CACNA1I: variants seen among roughly 807,000 people sequenced by gnomAD.
CACNA1I encodes calcium voltage-gated channel subunit alpha1 I.
A neutral mutation model predicts 201.6 loss-of-function variants in CACNA1I; 74 were observed. The observed-to-expected ratio is 0.37, with a 90% CI of 0.30 to 0.45. CACNA1I has a LOEUF of 0.45. Among genes scored for constraint, CACNA1I ranks in the 20% least tolerant of loss-of-function variants. The pLI is 1.00. For synonymous variants in CACNA1I, 1,431 were observed against 1,345.2 expected (o/e 1.06, Z -1.40); for missense variants, 2,346 against 3,138.1 (o/e 0.75, Z 6.03).
chr22:39,686,329 GC>G lies in CACNA1I; in HGVS notation c.6600del (p.Leu2201TrpfsTer71). 2 of 1,308,536 alleles carry G rather than the reference GC, an allele frequency of 1.5e-6. No homozygotes were observed. Among genetic ancestry groups the G allele is most frequent in the Non-Finnish European group, 9.7e-7 (1 of 1,027,714 alleles). 81.1% of individuals were successfully genotyped at this position (1,308,536 alleles called of 1,614,324 possible). A position where few individuals can be genotyped will look rare whatever the true frequency, so the allele number is the denominator to read the frequency against. ...PGRAPLPMGLGPLAPPPQPLP... is the reference protein window; with the variant it reads ...PGRAPLPMGLXPLAPPPQPLP... ...CGGGCACCGCTGCCCATGGGCCTGG[GC>G]CCCTTGGCGCCCCCGCCGCAACCGC... On this transcript the variant is annotated frameshift_variant, in exon 37 of 37. Coordinates refer to ENST00000402142, the MANE Select transcript of CACNA1I (RefSeq NM_021096.4). LOFTEE classifies it high-confidence loss of function.
intron 3 of CACNA1I, among the ~76,000 whole-genome samples, chr22:39,602,994 A>T (rs1933112112): frequency 6.6e-6 from 1 of 152,084 alleles, no homozygotes; most frequent in Non-Finnish European, 1.5e-5. Context: ...TCTACAAAAA[A>T]TAAAAAATTA....
Position 39,576,793 on chromosome 22 carries a change from G to A in CACNA1I, c.236+5805G>A, listed in dbSNP as rs534730968. Among the ~76,000 whole-genome samples the A allele has an allele frequency of 1.7e-3, 258 of 152,230 alleles. 1 individual carries two copies. The highest frequency in any genetic ancestry group is 3.3e-3 in the Non-Finnish European group (221 of 67,992). ...TGTCCAGGGCACCCATTTCCCGGCC[G>A]CCCTCCTCGTGGGTGGGCCCCCGCC... is the stretch of plus-strand genomic sequence containing the variant. On this transcript the variant is annotated intron_variant, in intron 1 of 36. Transcript: ENST00000402142.
chr22:39,619,933 G>GTCCATCCA (rs778287495), intron 4 of CACNA1I, among the ~76,000 whole-genome samples: 2 of 150,936 alleles, frequency 1.3e-5, no homozygotes, highest in Admixed American at 1.3e-4. Flanking sequence ...CTATCCACCT[G>GTCCATCCA]TCCATCCATC....
chr22:39,659,499 C>A lies in CACNA1I; in HGVS notation c.2397C>A (p.Pro799=). The change falls in exon 13 of 37, where the codon CCC becomes CCA. Residue 799 remains proline (P), a synonymous_variant. Transcript: ENST00000402142. This position sits in a 1 kb window ranked among gnomAD's most constrained non-coding sequence, Gnocchi z 4.3. ...GCACGGACACTGGAGACACGGTGCC[C>A]GACAGGAAGAACTTCGACTCCCTGC... ...SLRTDTGDTV[P]DRKNFDSLLW... The A allele has an allele frequency of 6.3e-7, 1 of 1,591,656 alleles. No homozygotes were observed. The highest frequency in any genetic ancestry group is 2.3e-5 in the East Asian group (1 of 43,738).
chr22:39,641,133 G>T lies in CACNA1I; in HGVS notation c.1007G>T (p.Gly336Val). 1 of 1,614,014 alleles carries T rather than the reference G, an allele frequency of 6.2e-7. No homozygotes were observed. The highest frequency in any genetic ancestry group is 8.5e-7 in the Non-Finnish European group (1 of 1,179,872). The change falls in exon 6 of 37, where the codon GGT (glycine) becomes GTT (valine). Residue 336 changes from glycine to valine, a missense_variant. By Grantham distance (109) the Gly-to-Val change is moderately radical. Transcript: ENST00000402142. Reference protein sequence around the residue: ...CRTGSANPHKGAINFDNIGYA... With the variant: ...CRTGSANPHKVAINFDNIGYA... Reference sequence around the variant, plus strand: ...ACGGGCAGCGCCAACCCCCACAAGGGTGCCATCAACTTTGACAACATCGGT... The same window carrying T: ...ACGGGCAGCGCCAACCCCCACAAGGTTGCCATCAACTTTGACAACATCGGT...
Position 39,684,401 on chromosome 22 carries a change from A to G in CACNA1I, c.5930A>G (p.Glu1977Gly), listed in dbSNP as rs1444296002. ...PAVSASQKGP[E>G]KGTGTGTLPK... ...GTGTCTGCCAGCCAGAAAGGCCCAG[A>G]AAAGGGCACTGGCACTGGAACCCTC... The change falls in exon 36 of 37, where the codon GAA becomes GGA. Residue 1977 changes from glutamate (E) to glycine (G), a missense_variant. Glu to Gly is a moderately conservative substitution (Grantham distance 98, BLOSUM62 -2). This residue lies in a region of CACNA1I where 441 missense variants were observed against 555.6 expected (regional missense o/e 0.79). Coordinates refer to ENST00000402142, the MANE Select transcript of CACNA1I (RefSeq NM_021096.4). The surrounding 1 kb of genome is among the most constrained non-coding windows in gnomAD (Gnocchi z 4.6). 1 of 1,613,500 alleles carries G rather than the reference A, an allele frequency of 6.2e-7. No individual in the cohort carries two copies. Among genetic ancestry groups the G allele is most frequent in the Non-Finnish European group, 8.5e-7 (1 of 1,179,866 alleles).
At chr22:39,622,208 G>A (rs540020416) in intron 4 of CACNA1I, among the ~76,000 whole-genome samples, 1 of 152,248 alleles carries the variant, frequency 6.6e-6, no homozygotes, top group Non-Finnish European at 1.5e-5. Context: ...CGTGTGAAAT[G>A]GACACAGCAG....
chr22:39,596,149 GGA>G (rs1389860421), intron 1 of CACNA1I, among the ~76,000 whole-genome samples: 5 of 82,578 alleles, frequency 6.1e-5, no homozygotes, highest in African/African-American at 1.0e-4. Context: ...GAGAGATGGG[GGA>G]GCAGGGTGGA....
chr22:39,653,681 G>A (rs774212032), intron 10 of CACNA1I, among the ~76,000 whole-genome samples: 38 of 152,338 alleles, frequency 2.5e-4, no homozygotes, highest in Non-Finnish European at 4.4e-4. Context: ...CATCTGTGAA[G>A]TGGGGCAGAG....
chr22:39,681,995 A>G (rs923661822), intron 34 of CACNA1I, among the ~76,000 whole-genome samples: 4 of 152,132 alleles, frequency 2.6e-5, no homozygotes, highest in African/African-American at 9.7e-5. Context: ...TCAGCAAGTC[A>G]TTGGAGGTCG....
At chr22:39,652,960 G>C (rs1934690992) in intron 10 of CACNA1I, among the ~76,000 whole-genome samples, 1 of 152,208 alleles carries the variant, frequency 6.6e-6, no homozygotes, top group Non-Finnish European at 1.5e-5. Context: ...TTCTGCTATT[G>C]ACTGGCAGGG....
At position 39,592,963 on chromosome 22, in the gene CACNA1I, G is replaced by A. The variant is rs147339893; in HGVS notation, c.237-5188G>A. ...GGGAGTGTGTCAGGAACCGCGGGCA[G>A]TGATGCCAGTTCTGGCCTGACTTCT... On this transcript the variant is annotated intron_variant, in intron 1 of 36. Transcript: ENST00000402142. Among the ~76,000 whole-genome samples, 277 of 152,350 alleles carry A rather than the reference G, an allele frequency of 1.8e-3. 1 individual carries two copies. Among genetic ancestry groups the A allele is most frequent in the African/African-American group, 6.2e-3 (259 of 41,600 alleles).
intron 17 of CACNA1I, 98 bp from the exon 18 acceptor site, chr22:39,662,678 G>A: frequency 1.1e-6 from 1 of 883,898 alleles, no homozygotes; most frequent in Non-Finnish European, 1.8e-6. Context: ...AGAGTTCGGA[G>A]GTGACCCTGC....
At chr22:39,624,593 A>G (rs1933847004) in intron 4 of CACNA1I, among the ~76,000 whole-genome samples, 1 of 152,202 alleles carries the variant, frequency 6.6e-6, no homozygotes, top group Non-Finnish European at 1.5e-5. Flanking sequence ...GTTCCCCTGG[A>G]AGGGCCCTGC....
chr22:39,575,097 C>T (rs999196175), intron 1 of CACNA1I, among the ~76,000 whole-genome samples: 2 of 152,374 alleles, frequency 1.3e-5, no homozygotes, highest in Admixed American at 6.5e-5. Flanking sequence ...TGGCCTGGGC[C>T]GTGGGCATGG....
rs1350415119 is a variant in CACNA1I, at chr22:39,659,137, G to C, written c.2330+21G>C. The C allele has an allele frequency of 3.1e-6, 5 of 1,609,778 alleles. No homozygotes were observed. In the African/African-American group the frequency reaches 6.7e-5, roughly 22 times the overall value. On this transcript the variant is annotated intron_variant, in intron 12 of 36. Transcript: ENST00000402142. The surrounding 1 kb of genome is among the most constrained non-coding windows in gnomAD (Gnocchi z 4.3). The stretch of plus-strand genomic sequence containing the variant: ...TTCAGGTGAGCCTGCCCTGCTGGGG[G>C]CCATACCTCAGCACCTGCTGGGGCT...
chr22:39,593,287 C>T (rs1457785239), intron 1 of CACNA1I, among the ~76,000 whole-genome samples: 1 of 152,158 alleles, frequency 6.6e-6, no homozygotes, highest in Non-Finnish European at 1.5e-5. Flanking sequence ...CCTTTTCCAT[C>T]CCCAGGGGAT....
chr22:39,677,531 A>G lies in CACNA1I; in HGVS notation c.4933+112A>G. On this transcript the variant is annotated intron_variant, in intron 30 of 36. Coordinates refer to ENST00000402142, the MANE Select transcript of CACNA1I (RefSeq NM_021096.4). This position sits in a 1 kb window ranked among gnomAD's most constrained non-coding sequence, Gnocchi z 4.8. The stretch of plus-strand genomic sequence containing the variant: ...GAGCCCGTCACATCAGGGTCTTTGT[A>G]TTGGGGAGATGCCTACAGCAGGGCC... 1 of 719,190 alleles carries G rather than the reference A, an allele frequency of 1.4e-6. No homozygotes were observed. The highest frequency in any genetic ancestry group is 2.2e-6 in the Non-Finnish European group (1 of 448,396). The allele number at this position is 719,190 out of a possible 1,614,324, so 44.6% of individuals were successfully genotyped here.
chr22:39,683,037 G>A (rs1343464550), intron 35 of CACNA1I, among the ~76,000 whole-genome samples: 8 of 152,186 alleles, frequency 5.3e-5, no homozygotes, highest in Non-Finnish European at 1.2e-4. Context: ...TGAGAGGTGT[G>A]TAGCCCACAG....
Sources: gnomAD v4.1 joint callset for allele counts (sites outside exome capture counted in the v4.1 genomes callset) on GRCh38, gnomAD v4.1.1 for gene constraint, gnomAD v4.1.1 regional missense constraint, Gnocchi (gnomAD v3.1) non-coding constraint, MANE v1.5 for transcripts, NCBI Gene and HGNC (gene_info 2026-07-23, HGNC 2026-07-21) for gene names.